MDFIC2: variants seen among roughly 807,000 people sequenced by gnomAD.
The protein encoded by MDFIC2 is MyoD family inhibitor domain containing 2.
intron 2 of MDFIC2, among the ~76,000 whole-genome samples, chr3:70,217,808 G>A (rs964387467): frequency 5.9e-5 from 9 of 152,118 alleles, no homozygotes; most frequent in Admixed American, 5.9e-4. Flanking sequence ...TATTTAGCTA[G>A]TTCTGTCTCT....
chr3:70,279,617 C>A (rs756849572), intron 2 of MDFIC2, among the ~76,000 whole-genome samples: 1 of 152,128 alleles, frequency 6.6e-6, no homozygotes, highest in African/African-American at 2.4e-5. Context: ...CTCAGATTTG[C>A]GTTGCTCTCT....
chr3:70,268,703 G>A (rs1028487529), intron 2 of MDFIC2, among the ~76,000 whole-genome samples: 6 of 152,072 alleles, frequency 3.9e-5, no homozygotes, highest in Non-Finnish European at 5.9e-5. Flanking sequence ...ATTTTTAAGA[G>A]CTTCTTTTTA....
At chr3:70,207,809 G>T (rs1482041585) in intron 2 of MDFIC2, among the ~76,000 whole-genome samples, 1 of 151,972 alleles carries the variant, frequency 6.6e-6, no homozygotes, top group Admixed American at 6.6e-5. Flanking sequence ...TTATATTAGA[G>T]ACCTGAGCAT....
At position 70,300,291 on chromosome 3, in the gene MDFIC2, CTATTGATT is replaced by C. The variant is rs1271026828; in HGVS notation, c.88+11587_88+11594del. On this transcript the variant is annotated intron_variant, in intron 2 of 3. Transcript: ENST00000567252. ...CTTAACATTTCTCCTTTATTTAAAT[CTATTGATT>C]TATAGATAAACTTTCCTTACCTACC... is the stretch of plus-strand genomic sequence containing the variant. Among the ~76,000 whole-genome samples, 23 of 152,178 alleles carry C rather than the reference CTATTGATT, an allele frequency of 1.5e-4. No homozygotes were observed. In the East Asian group the frequency reaches 4.1e-3, roughly 27 times the overall value.
At chr3:70,238,451 A>C (rs922867312) in intron 2 of MDFIC2, among the ~76,000 whole-genome samples, 5 of 151,986 alleles carry the variant, frequency 3.3e-5, no homozygotes, top group Non-Finnish European at 7.4e-5. Flanking sequence ...CTACAAAATA[A>C]ATAAATAAAT....
intron 2 of MDFIC2, among the ~76,000 whole-genome samples, chr3:70,237,581 T>C (rs756339355): frequency 7.9e-5 from 12 of 152,232 alleles, no homozygotes; most frequent in Admixed American, 3.9e-4. Flanking sequence ...GGACAGGCTC[T>C]AATGTTTTTA....
intron 2 of MDFIC2, among the ~76,000 whole-genome samples, chr3:70,220,211 T>C (rs1474951860): frequency 6.6e-6 from 1 of 152,094 alleles, no homozygotes; most frequent in Non-Finnish European, 1.5e-5. Context: ...TCAGTTTGTC[T>C]TTTCTGTGTG....
intron 2 of MDFIC2, among the ~76,000 whole-genome samples, chr3:70,309,934 CAATT>C (rs1373735384): frequency 4.6e-5 from 7 of 152,034 alleles, no homozygotes; most frequent in African/African-American, 7.2e-5. Flanking sequence ...CTTTAGGAAA[CAATT>C]GATTGGCCTA....
chr3:70,230,670 T>G (rs138136412), intron 2 of MDFIC2, among the ~76,000 whole-genome samples: 1 of 152,314 alleles, frequency 6.6e-6, no homozygotes, highest in East Asian at 1.9e-4. Flanking sequence ...AACGGTAATT[T>G]GATAATCAAT....
At chr3:70,272,541 T>C (rs1246645862) in intron 2 of MDFIC2, among the ~76,000 whole-genome samples, 2 of 152,248 alleles carry the variant, frequency 1.3e-5, no homozygotes, top group African/African-American at 4.8e-5. Context: ...TTTTAGGTAA[T>C]ATGAATAAGG....
chr3:70,274,667 T>G (rs1398905851), intron 2 of MDFIC2, among the ~76,000 whole-genome samples: 1 of 152,082 alleles, frequency 6.6e-6, no homozygotes, highest in Non-Finnish European at 1.5e-5. Context: ...AATACCTAGG[T>G]GATGGATTGT....
chr3:70,244,853 G>A (rs1701691880), intron 2 of MDFIC2, among the ~76,000 whole-genome samples: 1 of 152,056 alleles, frequency 6.6e-6, no homozygotes, highest in Non-Finnish European at 1.5e-5. Context: ...CTTACAATTT[G>A]GGTGGAAAAG....
chr3:70,209,802 G>T (rs1166636995), intron 2 of MDFIC2, among the ~76,000 whole-genome samples: 2 of 151,978 alleles, frequency 1.3e-5, no homozygotes, highest in African/African-American at 2.4e-5. Context: ...GCCCAAAATC[G>T]AGCCTTGCAA....
chr3:70,217,745 A>C (rs1366725172), intron 2 of MDFIC2, among the ~76,000 whole-genome samples: 2 of 152,122 alleles, frequency 1.3e-5, no homozygotes, highest in African/African-American at 4.8e-5. Context: ...TGTATTTATA[A>C]ATCAGTAAAT....
intron 2 of MDFIC2, among the ~76,000 whole-genome samples, chr3:70,273,652 A>G (rs1412795713): frequency 6.6e-6 from 1 of 152,260 alleles, no homozygotes; most frequent in Admixed American, 6.5e-5. Flanking sequence ...AAGGCAAGGT[A>G]CAGATGGACT....
chr3:70,262,486 G>A (rs1022875223), intron 2 of MDFIC2, among the ~76,000 whole-genome samples: 1 of 152,162 alleles, frequency 6.6e-6, no homozygotes, highest in African/African-American at 2.4e-5. Flanking sequence ...GCTCTTCAGT[G>A]TTTATTATGG....
intron 3 of MDFIC2, among the ~76,000 whole-genome samples, chr3:70,199,629 G>A (rs1701216330): frequency 6.6e-6 from 1 of 152,148 alleles, no homozygotes; most frequent in South Asian, 2.1e-4. Context: ...AGTTCTACAT[G>A]AGCAGGTAAA....
chr3:70,258,440 A>G (rs1701837281), intron 2 of MDFIC2, among the ~76,000 whole-genome samples: 1 of 152,168 alleles, frequency 6.6e-6, no homozygotes, highest in Non-Finnish European at 1.5e-5. Context: ...AGAGAGAGAG[A>G]GAGATTTACT....
At position 70,301,341 on chromosome 3, in the gene MDFIC2, C is replaced by T. The variant is rs184129778; in HGVS notation, c.88+10545G>A. On this transcript the variant is annotated intron_variant, in intron 2 of 3. Coordinates refer to ENST00000567252, the MANE Select transcript of MDFIC2 (RefSeq NM_001364677.1). Reference sequence around the variant, plus strand: ...GGTTTCGTGTATGAGAGATTTCATACTGCAAAATTCCACCCACATTGTTTT... The same window carrying T: ...GGTTTCGTGTATGAGAGATTTCATATTGCAAAATTCCACCCACATTGTTTT... Among the ~76,000 whole-genome samples, 5 of 152,162 alleles carry T rather than the reference C, an allele frequency of 3.3e-5. No individual in the cohort carries two copies. The East Asian group carries it at 9.6e-4, about 29-fold the overall frequency.
Sources: gnomAD v4.1 joint callset for allele counts (sites outside exome capture counted in the v4.1 genomes callset) on GRCh38, gnomAD v4.1.1 for gene constraint, MANE v1.5 for transcripts, NCBI Gene and HGNC (gene_info 2026-07-23, HGNC 2026-07-21) for gene names.